The following CACNA2D3 variants were observed in gnomAD, a reference collection of about 807,000 sequenced individuals.
The protein encoded by CACNA2D3 is voltage-dependent calcium channel subunit alpha-2/delta-3.
A neutral mutation model predicts 160.6 loss-of-function variants in CACNA2D3; 60 were observed. The ratio of observed to expected loss-of-function variants is 0.37; its 90% CI spans 0.30 to 0.46. The LOEUF is 0.46. CACNA2D3 is among the 20% of genes least tolerant of loss of function. The pLI is 1.00. For missense variants in CACNA2D3, 1,205 were observed against 1,365.0 expected (o/e 0.88, Z 1.85); for synonymous variants, 558 against 492.9 (o/e 1.13, Z -1.75).
At chr3:54,250,713 T>C (rs1559896179) in intron 2 of CACNA2D3, among the ~76,000 whole-genome samples, 3 of 152,202 alleles carry the variant, frequency 2.0e-5, no homozygotes. Flanking sequence ...TTGGCTTACG[T>C]AAAATAAATA....
At chr3:54,472,248 C>G (rs1700746545) in intron 4 of CACNA2D3, among the ~76,000 whole-genome samples, 1 of 152,178 alleles carries the variant, frequency 6.6e-6, no homozygotes. Flanking sequence ...TCAACATACA[C>G]AAATCAATAA....
At chr3:54,554,513 G>T (rs908841233) in intron 5 of CACNA2D3, among the ~76,000 whole-genome samples, 2 of 152,200 alleles carry the variant, frequency 1.3e-5, no homozygotes, top group African/African-American at 4.8e-5. Flanking sequence ...TGCGGGTGGG[G>T]AGTTGGAGGC....
At chr3:54,661,846 A>ATGTGTGTG (rs869104703) in intron 11 of CACNA2D3, among the ~76,000 whole-genome samples, 52 of 16,442 alleles carry the variant, frequency 3.2e-3, no homozygotes, top group African/African-American at 0.016. Flanking sequence ...GGATGTGTGT[A>ATGTGTGTG]TGTGTGTGTG....
chr3:54,700,423 T>G (rs546211855), intron 11 of CACNA2D3, among the ~76,000 whole-genome samples: 9 of 152,334 alleles, frequency 5.9e-5, no homozygotes, highest in African/African-American at 1.7e-4. Context: ...TAAACCAAAT[T>G]AAAAATTCAA....
At chr3:54,481,973 C>T (rs1700940382) in intron 4 of CACNA2D3, among the ~76,000 whole-genome samples, 1 of 152,296 alleles carries the variant, frequency 6.6e-6, no homozygotes, top group South Asian at 2.1e-4. Flanking sequence ...ATTTACGTTC[C>T]TTTGGGTTTC....
chr3:54,557,860 A>G (rs1702264090), intron 5 of CACNA2D3, among the ~76,000 whole-genome samples: 1 of 152,172 alleles, frequency 6.6e-6, no homozygotes, highest in Non-Finnish European at 1.5e-5. Context: ...AGGGTTTATT[A>G]CAGTTTACAA....
At chr3:54,876,041 T>C (rs931084662) in intron 18 of CACNA2D3, among the ~76,000 whole-genome samples, 1 of 152,188 alleles carries the variant, frequency 6.6e-6, no homozygotes, top group African/African-American at 2.4e-5. Context: ...GACTACATAA[T>C]ATGCTAACAT....
intron 5 of CACNA2D3, among the ~76,000 whole-genome samples, chr3:54,557,454 A>T (rs1325856470): frequency 2.0e-5 from 3 of 152,238 alleles, no homozygotes; most frequent in African/African-American, 7.2e-5. Context: ...ACACTTAAGA[A>T]AAAAGAATTG....
chr3:54,969,958 G>C, intron 29 of CACNA2D3, 114 bp downstream of exon 29: 1 of 729,748 alleles, frequency 1.4e-6, no homozygotes, highest in Non-Finnish European at 2.1e-6. Flanking sequence ...ATTGTACTGG[G>C]CCAATCTAAA....
At chr3:54,468,555 G>T (rs755932031) in intron 4 of CACNA2D3, among the ~76,000 whole-genome samples, 1 of 152,106 alleles carries the variant, frequency 6.6e-6, no homozygotes, top group African/African-American at 2.4e-5. Context: ...TCCCCGTGGC[G>T]CCTGGAATGC....
At position 54,601,566 on chromosome 3, in the gene CACNA2D3, T is replaced by A. The variant is rs1575373843; in HGVS notation, c.963+19689T>A. On this transcript the variant is annotated intron_variant, in intron 9 of 37. Transcript: ENST00000474759. ...CCAAAGCCTGCAGGATCAGAACCTC[T>A]CAGCCTGGAGGCCTAGGATGTTTTT... Among the ~76,000 whole-genome samples the A allele has an allele frequency of 5.3e-5, 8 of 152,226 alleles. 1 individual carries two copies. Among genetic ancestry groups the A allele is most frequent in the Admixed American group, 5.2e-4 (8 of 15,292 alleles).
chr3:54,307,005 G>C (rs1359054810), intron 2 of CACNA2D3, among the ~76,000 whole-genome samples: 1 of 152,118 alleles, frequency 6.6e-6, no homozygotes. Flanking sequence ...AAGAAACCAA[G>C]AAGTGGCTGA....
chr3:54,883,661 A>T lies in CACNA2D3; in HGVS notation c.1913-1620A>T, dbSNP rs1182515689. Among the ~76,000 whole-genome samples, 3 of 152,186 alleles carry T rather than the reference A, an allele frequency of 2.0e-5. No individual in the cohort carries two copies. In the East Asian group the frequency reaches 5.8e-4, roughly 29 times the overall value. On this transcript the variant is annotated intron_variant, in intron 21 of 37. Transcript: ENST00000474759. Reference sequence around the variant, plus strand: ...TCTAAACCCAGTTTTCTGGGAAGGTACAGTCCCTTCTCAGGGCCTTTGCAC... The same window carrying T: ...TCTAAACCCAGTTTTCTGGGAAGGTTCAGTCCCTTCTCAGGGCCTTTGCAC...
At chr3:54,234,353 A>G (rs1406941761) in intron 2 of CACNA2D3, among the ~76,000 whole-genome samples, 1 of 152,188 alleles carries the variant, frequency 6.6e-6, no homozygotes, top group Non-Finnish European at 1.5e-5. Flanking sequence ...AACAAAACCA[A>G]AAAGCAGATG....
intron 29 of CACNA2D3, among the ~76,000 whole-genome samples, chr3:54,975,000 G>GA (rs1030344882): frequency 6.6e-6 from 1 of 152,092 alleles, no homozygotes; most frequent in Admixed American, 6.6e-5. Context: ...AAGTGATATG[G>GA]AAAAAACAGT....
At chr3:54,286,399 A>T (rs1366263283) in intron 2 of CACNA2D3, among the ~76,000 whole-genome samples, 2 of 152,218 alleles carry the variant, frequency 1.3e-5, no homozygotes, top group Non-Finnish European at 2.9e-5. Flanking sequence ...AAAAGAAACG[A>T]ACAAAGCCTC....
rs780905906 is a variant in CACNA2D3, at chr3:54,764,314, A to G, written c.1343A>G (p.His448Arg). The change falls in exon 13 of 38, where the codon CAT (histidine) becomes CGT (arginine). Residue 448 changes from histidine (H) to arginine (R), a missense_variant. His to Arg is a conservative substitution (Grantham distance 29). Transcript: ENST00000474759. ...CGGCCCAAAGTCATCGACCAGGAGCATGATGTGGTGTGGACCGAAGCTTAC... is the reference window on the plus strand; with the variant it reads ...CGGCCCAAAGTCATCGACCAGGAGCGTGATGTGGTGTGGACCGAAGCTTAC... ...LSRPKVIDQE[H>R]DVVWTEAYID... 1.9e-6 allele frequency: 3 copies of G among 1,613,768 alleles called. No homozygotes were observed. Among genetic ancestry groups the G allele is most frequent in the Non-Finnish European group, 2.5e-6 (3 of 1,179,844 alleles).
At chr3:54,661,117 C>G (rs561485857) in intron 11 of CACNA2D3, among the ~76,000 whole-genome samples, 1 of 152,250 alleles carries the variant, frequency 6.6e-6, no homozygotes, top group African/African-American at 2.4e-5. Context: ...AGCCAAATGG[C>G]CAGGAAGGCT....
chr3:54,141,020 T>G (rs1024977707), intron 2 of CACNA2D3, among the ~76,000 whole-genome samples: 3 of 151,114 alleles, frequency 2.0e-5, no homozygotes, highest in Non-Finnish European at 1.5e-5. Flanking sequence ...TGGTGTTGTC[T>G]AAATTTCCAA....
Sources: gnomAD v4.1 joint callset for allele counts (sites outside exome capture counted in the v4.1 genomes callset) on GRCh38, gnomAD v4.1.1 for gene constraint, MANE v1.5 for transcripts, NCBI Gene and HGNC (gene_info 2026-07-23, HGNC 2026-07-21) for gene names.